EXOC4: variants seen among roughly 807,000 people sequenced by gnomAD.
EXOC4 encodes the protein SEC8-like 1.
EXOC4 carries 71 observed loss-of-function variants against 107.2 expected under a neutral mutation model. That is an observed-to-expected ratio of 0.66 (90% CI 0.55 to 0.81). The LOEUF is 0.81. Among genes scored for constraint, EXOC4 ranks in the 30% least tolerant of loss-of-function variants. The probability of loss-of-function intolerance (pLI) is 0.00; values close to 1 mark genes in which losing one functional copy is unlikely to be tolerated. For missense variants in EXOC4, 1,108 were observed against 1,189.6 expected, an observed-to-expected ratio of 0.93 and a Z score of 1.01; for synonymous variants, 456 against 441.2, an observed-to-expected ratio of 1.03 and a Z score of -0.42.
chr7:133,597,464 G>A (rs185292435), intron 9 of EXOC4, among the ~76,000 whole-genome samples: 17 of 148,986 alleles, frequency 1.1e-4, no homozygotes, highest in Admixed American at 6.8e-4. Context: ...TGAGGCAGGA[G>A]AATCGCTTGA....
intron 3 of EXOC4, 130 bp downstream of exon 3, chr7:133,289,246 G>T: frequency 1.5e-6 from 1 of 682,826 alleles, no homozygotes; most frequent in South Asian, 2.3e-5. Flanking sequence ...AGCCCTTGAA[G>T]GTGAAGCCTG....
intron 17 of EXOC4, among the ~76,000 whole-genome samples, chr7:134,050,362 C>T (rs931212076): frequency 6.6e-6 from 1 of 152,132 alleles, no homozygotes; most frequent in African/African-American, 2.4e-5. Context: ...TATCAATATC[C>T]TCATTTTACA....
At chr7:133,289,994 A>G (rs908263387) in intron 3 of EXOC4, among the ~76,000 whole-genome samples, 56 of 152,174 alleles carry the variant, frequency 3.7e-4, no homozygotes, top group African/African-American at 1.3e-3. Flanking sequence ...CACTGAGGGG[A>G]ATTGGTAGGG....
At position 133,917,737 on chromosome 7, in the gene EXOC4, A is replaced by C. The variant is rs1173135747; in HGVS notation, c.2026A>C (p.Arg676=). Residue 676 remains arginine, a splice_region_variant and synonymous_variant, in exon 13 of 18, where the codon AGG becomes CGG. Transcript: ENST00000253861. ...AAGAGAGGAGGAAGAAGATTTCATA[A>C]GGTAAAAGGTCCATTTTCTAAGTTG... ...PKREEEEDFI[R]AAFGKESEVL... is the part of the protein sequence containing the mutation. The C allele has an allele frequency of 3.7e-6, 6 of 1,613,598 alleles. No individual in the cohort carries two copies. In the East Asian group the frequency reaches 1.3e-4, roughly 36 times the overall value.
chr7:133,496,838 A>G (rs1799487151), intron 9 of EXOC4, among the ~76,000 whole-genome samples: 1 of 152,126 alleles, frequency 6.6e-6, no homozygotes, highest in South Asian at 2.1e-4. Context: ...AGTTTTTTAT[A>G]TGGCAACACT....
At chr7:133,752,997 T>TA (rs1318664738) in intron 10 of EXOC4, among the ~76,000 whole-genome samples, 2 of 152,232 alleles carry the variant, frequency 1.3e-5, no homozygotes, top group Non-Finnish European at 2.9e-5. Context: ...GCTGGTTCAT[T>TA]TGTCTTCCTT....
chr7:133,840,491 G>T (rs1280415321), intron 11 of EXOC4, among the ~76,000 whole-genome samples: 2 of 143,860 alleles, frequency 1.4e-5, no homozygotes, highest in African/African-American at 5.9e-5. Flanking sequence ...ATTTTTTATT[G>T]TATTTTATTT....
At chr7:133,664,593 C>G (rs1300031590) in intron 10 of EXOC4, among the ~76,000 whole-genome samples, 1 of 152,144 alleles carries the variant, frequency 6.6e-6, no homozygotes, top group Non-Finnish European at 1.5e-5. Flanking sequence ...ATCTCCAATT[C>G]TTTAGAATCC....
intron 12 of EXOC4, among the ~76,000 whole-genome samples, chr7:133,914,182 A>T (rs1395812272): frequency 1.3e-5 from 2 of 152,164 alleles, no homozygotes; most frequent in Non-Finnish European, 2.9e-5. Flanking sequence ...CTTGTTTCTA[A>T]CTTGTAGAAA....
chr7:133,599,958 T>G, intron 9 of EXOC4, among the ~76,000 whole-genome samples: 1 of 138,606 alleles, frequency 7.2e-6, no homozygotes, highest in Admixed American at 8.2e-5. Flanking sequence ...TGGAGTACAG[T>G]GGTACAGTCA....
chr7:133,885,955 C>T (rs1195254928), intron 11 of EXOC4, among the ~76,000 whole-genome samples: 2 of 152,030 alleles, frequency 1.3e-5, no homozygotes, highest in Admixed American at 1.3e-4. Flanking sequence ...AGGCTTGGTG[C>T]TCAGGAAGGG....
At chr7:133,743,491 A>G (rs1242181786) in intron 10 of EXOC4, among the ~76,000 whole-genome samples, 2 of 152,158 alleles carry the variant, frequency 1.3e-5, no homozygotes, top group Admixed American at 1.3e-4. Flanking sequence ...GTTTCATGTC[A>G]TCAGTTTCTG....
intron 2 of EXOC4, among the ~76,000 whole-genome samples, chr7:133,286,428 G>A (rs553406204): frequency 1.3e-5 from 2 of 152,068 alleles, no homozygotes; most frequent in African/African-American, 4.8e-5. Flanking sequence ...CTGTTCCCCC[G>A]TGTCCTGCTT....
chr7:133,722,457 A>G (rs543495582), intron 10 of EXOC4, among the ~76,000 whole-genome samples: 2 of 151,772 alleles, frequency 1.3e-5, no homozygotes, highest in Admixed American at 1.3e-4. Context: ...AGGAAGCAAT[A>G]TTTTTTTTTC....
At chr7:133,858,966 C>T (rs1460480943) in intron 11 of EXOC4, among the ~76,000 whole-genome samples, 1 of 152,066 alleles carries the variant, frequency 6.6e-6, no homozygotes, top group African/African-American at 2.4e-5. Flanking sequence ...TCTTTGTTGC[C>T]ATCTTTTGTA....
intron 10 of EXOC4, among the ~76,000 whole-genome samples, chr7:133,644,229 T>G (rs950081882): frequency 6.6e-6 from 1 of 152,232 alleles, no homozygotes; most frequent in African/African-American, 2.4e-5. Flanking sequence ...TGTGATTAAT[T>G]AGCCAATGCC....
At chr7:133,545,108 T>C (rs1321781788) in intron 9 of EXOC4, among the ~76,000 whole-genome samples, 1 of 152,120 alleles carries the variant, frequency 6.6e-6, no homozygotes, top group Non-Finnish European at 1.5e-5. Flanking sequence ...TCGCTATTTC[T>C]CTGCCAAATA....
chr7:133,486,806 G>A (rs936005443), intron 9 of EXOC4, among the ~76,000 whole-genome samples: 3 of 151,740 alleles, frequency 2.0e-5, no homozygotes, highest in African/African-American at 4.8e-5. Flanking sequence ...TTATATGTAA[G>A]ATTTGTCTTA....
chr7:133,506,459 C>G (rs1289194001), intron 9 of EXOC4, among the ~76,000 whole-genome samples: 1 of 152,078 alleles, frequency 6.6e-6, no homozygotes, highest in African/African-American at 2.4e-5. Context: ...AAAGCTTCAT[C>G]CAGGGATGCT....
Sources: allele counts gnomAD v4.1 joint callset (sites outside exome capture counted in the v4.1 genomes callset), GRCh38; gene constraint gnomAD v4.1.1; transcripts MANE v1.5; gene names NCBI Gene and HGNC (gene_info 2026-07-23, HGNC 2026-07-21).